The following PDE11A variants were observed in gnomAD, a reference collection of about 807,000 sequenced individuals.
PDE11A encodes dual 3',5'-cyclic-AMP and -GMP phosphodiesterase 11A.
Under a neutral mutation model 100.5 loss-of-function variants are expected in PDE11A, and 100 were observed. The ratio of observed to expected loss-of-function variants is 1.00; its 90% CI spans 0.85 to 1.18. The LOEUF (loss-of-function observed/expected upper bound fraction) is 1.18, where lower values mean the gene tolerates loss of function less well. Among genes scored for constraint, PDE11A ranks in the 50% most tolerant of loss-of-function variants. The pLI is 0.00. For synonymous variants in PDE11A, 381 were observed against 420.8 expected, an observed-to-expected ratio of 0.91 and a Z score of 1.16; for missense variants, 1,141 against 1,152.6, an observed-to-expected ratio of 0.99 and a Z score of 0.15.
chr2:177,899,324 T>C (rs922710183), intron 3 of PDE11A, among the ~76,000 whole-genome samples: 1 of 152,118 alleles, frequency 6.6e-6, no homozygotes, highest in Non-Finnish European at 1.5e-5. Flanking sequence ...GCAGAATTGC[T>C]TGAACCCAGG....
intron 2 of PDE11A, among the ~76,000 whole-genome samples, chr2:177,994,016 A>G (rs1574329238): frequency 2.0e-5 from 3 of 149,944 alleles, no homozygotes; most frequent in Admixed American, 6.7e-5. Context: ...GCTCACTGCA[A>G]CCTCCCCCTC....
rs143720276 is a variant in PDE11A, at chr2:177,934,021, A to G, written c.1072-28834T>C. ...ATTTAAATGTAAAACTTCAAACTGT[A>G]AGAATCCCAGAAGAAAACCTAGGAA... On this transcript the variant is annotated intron_variant, in intron 2 of 19. Coordinates refer to ENST00000286063, the MANE Select transcript of PDE11A (RefSeq NM_016953.4). 9.8e-4 allele frequency among the ~76,000 whole-genome samples: 150 copies of G among 152,338 alleles called. 1 individual carries two copies. Among genetic ancestry groups the G allele is most frequent in the African/African-American group, 3.4e-3 (141 of 41,572 alleles).
chr2:177,696,940 C>T (rs1478763288), intron 15 of PDE11A, among the ~76,000 whole-genome samples: 1 of 152,166 alleles, frequency 6.6e-6, no homozygotes, highest in Admixed American at 6.5e-5. Flanking sequence ...TGAACTGTTG[C>T]ATTGCTAGTT....
At chr2:178,086,197 C>T (rs1214851637) in intron 2 of PDE11A, among the ~76,000 whole-genome samples, 1 of 152,236 alleles carries the variant, frequency 6.6e-6, no homozygotes, top group African/African-American at 2.4e-5. Flanking sequence ...GGACTGCCGA[C>T]CTTCCTACAT....
At chr2:177,717,478 T>C (rs1010721537) in intron 12 of PDE11A, among the ~76,000 whole-genome samples, 1 of 152,216 alleles carries the variant, frequency 6.6e-6, no homozygotes, top group Non-Finnish European at 1.5e-5. Context: ...TTTATTCTTT[T>C]ATTTTCAAAT....
At chr2:177,836,797 C>T (rs573537058) in intron 6 of PDE11A, among the ~76,000 whole-genome samples, 13 of 152,252 alleles carry the variant, frequency 8.5e-5, no homozygotes, top group South Asian at 2.1e-4. Flanking sequence ...ACTCCAGACG[C>T]GCCACCTGAA....
intron 17 of PDE11A, among the ~76,000 whole-genome samples, chr2:177,671,112 T>C (rs2080672592): frequency 6.6e-6 from 1 of 152,192 alleles, no homozygotes; most frequent in African/African-American, 2.4e-5. Flanking sequence ...CTCAGATTGC[T>C]CTAAGCTAGG....
chr2:177,777,808 C>T (rs1398715396), intron 9 of PDE11A, among the ~76,000 whole-genome samples: 1 of 152,124 alleles, frequency 6.6e-6, no homozygotes, highest in Non-Finnish European at 1.5e-5. Flanking sequence ...TTGTGTAAAG[C>T]ATACATACAA....
intron 2 of PDE11A, chr2:177,997,764 G>A: frequency 7.2e-7 from 1 of 1,395,676 alleles, no homozygotes; most frequent in Non-Finnish European, 1.0e-6. Context: ...ACTGTAGTTT[G>A]GGTTCTTCAT....
At chr2:177,713,155 C>T (rs1252013327) in intron 12 of PDE11A, among the ~76,000 whole-genome samples, 4 of 152,058 alleles carry the variant, frequency 2.6e-5, no homozygotes, top group East Asian at 1.9e-4. Context: ...ATTACAGGCA[C>T]CCACCACCAC....
At chr2:177,987,113 T>C (rs909693494) in intron 2 of PDE11A, among the ~76,000 whole-genome samples, 5 of 151,852 alleles carry the variant, frequency 3.3e-5, no homozygotes, top group African/African-American at 4.8e-5. Flanking sequence ...GAAGACCATG[T>C]CCCCCAAATA....
chr2:177,711,109 A>G (rs923441921), intron 13 of PDE11A, among the ~76,000 whole-genome samples: 1 of 152,234 alleles, frequency 6.6e-6, no homozygotes, highest in African/African-American at 2.4e-5. Context: ...CCTTGGCCAC[A>G]GTATGAGCCA....
At chr2:178,044,620 T>C (rs1302285470) in intron 1 of PDE11A, among the ~76,000 whole-genome samples, 1 of 152,014 alleles carries the variant, frequency 6.6e-6, no homozygotes, top group African/African-American at 2.4e-5. Context: ...CTGAATCCCC[T>C]GCCCAGCCCC....
At chr2:177,685,053 A>C (rs112333087) in intron 15 of PDE11A, among the ~76,000 whole-genome samples, 2,322 of 152,268 alleles carry the variant, frequency 0.015, 27 homozygotes, top group South Asian at 0.035. Flanking sequence ...AATCGCTAGA[A>C]TTAAGCTTCA....
intron 5 of PDE11A, among the ~76,000 whole-genome samples, chr2:177,847,692 C>G (rs1463524152): frequency 2.6e-5 from 4 of 152,240 alleles, no homozygotes; most frequent in Non-Finnish European, 5.9e-5. Context: ...TGACCCGTAG[C>G]TCCCAGACTG....
chr2:177,862,946 T>C (rs1000785598), intron 5 of PDE11A, among the ~76,000 whole-genome samples: 2 of 151,864 alleles, frequency 1.3e-5, no homozygotes, highest in Non-Finnish European at 2.9e-5. Context: ...TACAAAGCTA[T>C]AGTAATAAAA....
intron 1 of PDE11A, among the ~76,000 whole-genome samples, chr2:178,042,358 G>C (rs1252280139): frequency 1.3e-5 from 2 of 151,932 alleles, no homozygotes; most frequent in African/African-American, 4.8e-5. Context: ...CACATTTGTA[G>C]TCCCAGCTAC....
intron 6 of PDE11A, among the ~76,000 whole-genome samples, chr2:177,835,423 C>T (rs1016841960): frequency 6.6e-6 from 1 of 152,218 alleles, no homozygotes; most frequent in African/African-American, 2.4e-5. Context: ...AGGATACTCC[C>T]CTCGGATGCA....
chr2:178,072,059 G>T lies in PDE11A; in HGVS notation c.379C>A (p.Arg127Ser). The T allele has an allele frequency of 1.2e-6, 2 of 1,613,842 alleles. No individual in the cohort carries two copies. Among genetic ancestry groups the T allele is most frequent in the Non-Finnish European group, 1.7e-6 (2 of 1,179,784 alleles). ...SQKELRKSFA[R>S]SKAIHVNRTY... ...CTGTTCACGTGGATGGCCTTGGAGCGGGCAAAACTCTTCCTTAGCTCTTTC... is the reference window on the plus strand; with the variant it reads ...CTGTTCACGTGGATGGCCTTGGAGCTGGCAAAACTCTTCCTTAGCTCTTTC... Residue 127 changes from arginine (R) to serine (S), a missense_variant, in exon 1 of 20, where the codon CGC (arginine) becomes AGC (serine). Physicochemically the swap from Arg to Ser is moderately radical, Grantham distance 110 (BLOSUM62 -1). Transcript: ENST00000286063.
Sources: allele counts gnomAD v4.1 joint callset (sites outside exome capture counted in the v4.1 genomes callset), GRCh38; gene constraint gnomAD v4.1.1; transcripts MANE v1.5; gene names NCBI Gene and HGNC (gene_info 2026-07-23, HGNC 2026-07-21).